NRXN1: variants seen among roughly 807,000 people sequenced by gnomAD.
NRXN1 encodes the protein neurexin 1, also known as neurexin-1.
In NRXN1, 39 loss-of-function variants were observed where a neutral mutation model predicts 150.9. The observed-to-expected ratio is 0.26, with a 90% CI of 0.20 to 0.34. The LOEUF is 0.34. NRXN1 is among the 10% of genes least tolerant of loss of function. The probability of loss-of-function intolerance (pLI) is 1.00; values close to 1 mark genes in which losing one functional copy is unlikely to be tolerated. For missense variants in NRXN1, 1,815 were observed against 1,949.9 expected, an observed-to-expected ratio of 0.93 and a Z score of 1.30; for synonymous variants, 924 against 757.0, an observed-to-expected ratio of 1.22 and a Z score of -3.62.
At chr2:50,858,092 A>ATTTTT (rs113571564) in intron 5 of NRXN1, among the ~76,000 whole-genome samples, 1 of 149,218 alleles carries the variant, frequency 6.7e-6, no homozygotes, top group African/African-American at 2.5e-5. Flanking sequence ...ACCCAAATAG[A>ATTTTT]TTTTTTTTTT....
At chr2:50,688,189 C>G (rs1691533979) in intron 5 of NRXN1, among the ~76,000 whole-genome samples, 1 of 152,120 alleles carries the variant, frequency 6.6e-6, no homozygotes, top group Admixed American at 6.6e-5. Flanking sequence ...CAAATCAGAA[C>G]CCTAACCCAA....
chr2:50,100,557 C>T (rs759023045), intron 18 of NRXN1, among the ~76,000 whole-genome samples: 13 of 152,002 alleles, frequency 8.6e-5, no homozygotes, highest in Non-Finnish European at 1.8e-4. Flanking sequence ...CTGGATTATT[C>T]TTTACACAGT....
intron 21 of NRXN1, among the ~76,000 whole-genome samples, chr2:49,989,432 A>C (rs1260756915): frequency 6.6e-6 from 1 of 152,190 alleles, no homozygotes; most frequent in African/African-American, 2.4e-5. Flanking sequence ...TATTTGAAGA[A>C]AGTCAGAAAA....
chr2:50,117,999 T>C (rs578125010), intron 18 of NRXN1, among the ~76,000 whole-genome samples: 2 of 152,306 alleles, frequency 1.3e-5, no homozygotes, highest in African/African-American at 4.8e-5. Context: ...AATAAAGACC[T>C]AGGTTTTCTT....
At chr2:50,033,913 A>G (rs929383972) in intron 21 of NRXN1, among the ~76,000 whole-genome samples, 2 of 152,028 alleles carry the variant, frequency 1.3e-5, no homozygotes, top group Non-Finnish European at 2.9e-5. Context: ...AATGTAAATC[A>G]AAACCACAAT....
chr2:50,281,279 T>G (rs541681110), intron 17 of NRXN1, among the ~76,000 whole-genome samples: 1 of 151,234 alleles, frequency 6.6e-6, no homozygotes, highest in Non-Finnish European at 1.5e-5. Flanking sequence ...ATCGCGCCGC[T>G]GCACTCCAGC....
intron 17 of NRXN1, among the ~76,000 whole-genome samples, chr2:50,353,349 C>G (rs1376826417): frequency 6.6e-6 from 1 of 152,060 alleles, no homozygotes; most frequent in East Asian, 1.9e-4. Context: ...TCACTGTCAG[C>G]TTATATAGTT....
intron 17 of NRXN1, among the ~76,000 whole-genome samples, chr2:50,380,818 T>A (rs746281214): frequency 4.6e-5 from 7 of 152,154 alleles, no homozygotes; most frequent in Non-Finnish European, 7.4e-5. Flanking sequence ...ATTTTCTACC[T>A]CCTGTCTTCT....
chr2:50,861,215 T>G lies in NRXN1; in HGVS notation c.832+60654A>C, dbSNP rs1198271639. Among the ~76,000 whole-genome samples, 6 of 151,990 alleles carry G rather than the reference T, an allele frequency of 3.9e-5. No individual in the cohort carries two copies. In the East Asian group the frequency reaches 5.8e-4, roughly 15 times the overall value. On this transcript the variant is annotated intron_variant, in intron 5 of 22. Transcript: ENST00000401669. ...ATGGAATTCTAGAGCAGCAAGGAAG[T>G]GCAGATCTTATTATTTTGAGACAGA...
Position 51,027,863 on chromosome 2 carries a change from C to A in NRXN1, c.411G>T (p.Trp137Cys), listed in dbSNP as rs1452706977. The change falls in exon 2 of 23, where the codon TGG (tryptophan) becomes TGT (cysteine). Residue 137 changes from tryptophan (W) to cysteine (C), a missense_variant. By Grantham distance (215) the Trp-to-Cys change is radical. Transcript: ENST00000401669. ...CCCTGCGCTTGGACTTGACCTCCACCCACTTGGCCTCCACCTGGTCGATGA... is the reference window on the plus strand; with the variant it reads ...CCCTGCGCTTGGACTTGACCTCCACACACTTGGCCTCCACCTGGTCGATGA... ...TLFIDQVEAK[W>C]VEVKSKRRDM... is the part of the protein sequence containing the mutation. 1.2e-6 allele frequency: 2 copies of A among 1,613,046 alleles called. No individual in the cohort carries two copies. The highest frequency in any genetic ancestry group is 1.7e-6 in the Non-Finnish European group (2 of 1,179,730).
chr2:50,051,150 T>G (rs1692651552), intron 21 of NRXN1, among the ~76,000 whole-genome samples: 1 of 152,000 alleles, frequency 6.6e-6, no homozygotes, highest in African/African-American at 2.4e-5. Context: ...GTTAACTCTT[T>G]ACCTTCTGCA....
In NRXN1 at chr2:50,821,260, G is replaced by T. The variant is rs556812604; in HGVS notation, c.832+100609C>A. On this transcript the variant is annotated intron_variant, in intron 5 of 22. Transcript: ENST00000401669. Reference sequence around the variant, plus strand: ...ATGCAGCCCAACACAAATTCTTAAAGTTTCTTAAAACATTATAGATTTTTT... The same window carrying T: ...ATGCAGCCCAACACAAATTCTTAAATTTTCTTAAAACATTATAGATTTTTT... 6.6e-5 allele frequency among the ~76,000 whole-genome samples: 10 copies of T among 152,262 alleles called. No homozygotes were observed. The South Asian group carries it at 1.9e-3, about 28-fold the overall frequency.
intron 5 of NRXN1, among the ~76,000 whole-genome samples, chr2:50,716,178 C>T (rs1410132583): frequency 1.3e-5 from 2 of 152,264 alleles, no homozygotes; most frequent in South Asian, 2.1e-4. Context: ...ATATTACATT[C>T]CAAAATGATT....
chr2:50,123,560 T>C (rs781768344), intron 18 of NRXN1, among the ~76,000 whole-genome samples: 3 of 152,160 alleles, frequency 2.0e-5, no homozygotes, highest in African/African-American at 4.8e-5. Context: ...ACAGTCTGAT[T>C]TAGGGTTTTA....
intron 18 of NRXN1, among the ~76,000 whole-genome samples, chr2:50,165,348 AT>A (rs959142329): frequency 9.3e-5 from 14 of 151,038 alleles, no homozygotes; most frequent in African/African-American, 3.2e-4. Flanking sequence ...CCTCAGCACT[AT>A]TTTTTTTTCT....
Position 49,922,067 on chromosome 2 carries a change from C to T in NRXN1, c.4401G>A (p.Glu1467=). 6.2e-7 allele frequency: 1 copy of T among 1,614,136 alleles called. No homozygotes were observed. Among genetic ancestry groups the T allele is most frequent in the African/African-American group, 1.3e-5 (1 of 75,036 alleles). Residue 1467 remains glutamate (E), a synonymous_variant, in exon 23 of 23, where the codon GAG becomes GAA. Transcript: ENST00000401669. ...CTGAGTTACTGATGTAGTTTCGACT[C>T]TCGTCCACATGGTATGAGCCTTCAT... ...NRDEGSYHVD[E]SRNYISNSAQ...
At chr2:49,968,994 A>G (rs112356479) in intron 21 of NRXN1, among the ~76,000 whole-genome samples, 6 of 152,208 alleles carry the variant, frequency 3.9e-5, no homozygotes, top group African/African-American at 1.4e-4. Flanking sequence ...ACAATGTACA[A>G]AAGCACTGAG....
intron 18 of NRXN1, among the ~76,000 whole-genome samples, chr2:50,165,820 A>G (rs560095523): frequency 4.6e-5 from 7 of 152,278 alleles, no homozygotes; most frequent in Non-Finnish European, 1.0e-4. Flanking sequence ...TACTTAACCT[A>G]TATATTACAT....
intron 18 of NRXN1, among the ~76,000 whole-genome samples, chr2:50,233,385 C>A (rs1054120781): frequency 6.6e-6 from 1 of 151,930 alleles, no homozygotes; most frequent in African/African-American, 2.4e-5. Context: ...TTTAAGAGTA[C>A]AGTTAATCAA....
Sources: gnomAD v4.1 joint callset for allele counts (sites outside exome capture counted in the v4.1 genomes callset) on GRCh38, gnomAD v4.1.1 for gene constraint, MANE v1.5 for transcripts, NCBI Gene and HGNC (gene_info 2026-07-23, HGNC 2026-07-21) for gene names.